The following CCDC88A variants were observed in gnomAD, a reference collection of about 807,000 sequenced individuals.
CCDC88A encodes the protein girdin.
In CCDC88A, 54 loss-of-function variants were observed where a neutral mutation model predicts 234.3. That is an observed-to-expected ratio of 0.23 (90% CI 0.19 to 0.29). The LOEUF (loss-of-function observed/expected upper bound fraction) is 0.29. CCDC88A is among the 10% of genes least tolerant of loss of function. CCDC88A has a pLI of 1.00. For missense variants in CCDC88A, 1,832 were observed against 2,123.4 expected, an observed-to-expected ratio of 0.86 and a Z score of 2.70; for synonymous variants, 753 against 737.8, an observed-to-expected ratio of 1.02 and a Z score of -0.33.
chr2:55,419,535 CT>C lies in CCDC88A; in HGVS notation c.-457del. Reference sequence around the variant, plus strand: ...ATACCGAGGCGCCACCAGACTCGACCTCGGCGTTCCGACCTCTACACGTTCC... The same window carrying C: ...ATACCGAGGCGCCACCAGACTCGACCCGGCGTTCCGACCTCTACACGTTCC... On this transcript the variant is annotated 5_prime_UTR_variant, in exon 1 of 33. Coordinates refer to ENST00000436346, the MANE Select transcript of CCDC88A (RefSeq NM_001365480.1). 4 of 158,512 alleles carry C rather than the reference CT, an allele frequency of 2.5e-5. No homozygotes were observed. Among genetic ancestry groups the C allele is most frequent in the Non-Finnish European group, 4.1e-5 (3 of 72,502 alleles). The allele number at this position is 158,512 out of a possible 1,614,324, so 9.8% of individuals were successfully genotyped here. A position where few individuals can be genotyped will look rare whatever the true frequency, so the allele number is the denominator to read the frequency against.
intron 2 of CCDC88A, among the ~76,000 whole-genome samples, chr2:55,410,582 T>A (rs534158492): frequency 6.6e-6 from 1 of 152,192 alleles, no homozygotes; most frequent in Non-Finnish European, 1.5e-5. Flanking sequence ...TATCCACCTA[T>A]TTTTATTAAT....
intron 2 of CCDC88A, among the ~76,000 whole-genome samples, chr2:55,409,578 G>C (rs1680123972): frequency 6.6e-6 from 1 of 152,048 alleles, no homozygotes; most frequent in African/African-American, 2.4e-5. Flanking sequence ...CATATTAATT[G>C]ATCTTTGAAT....
chr2:55,296,059 G>A lies in CCDC88A; in HGVS notation c.5092-3C>T, dbSNP rs1679991297. ...TTCTCTTGACTTGAGGACTTTATCT[G>A]TTTAAAAAAAAATTCAAAGCAGATT... On this transcript the variant is annotated splice_polypyrimidine_tract_variant and splice_region_variant and intron_variant, in intron 30 of 32. Coordinates refer to ENST00000436346, the MANE Select transcript of CCDC88A (RefSeq NM_001365480.1). 6.4e-7 allele frequency: 1 copy of A among 1,569,758 alleles called. No homozygotes were observed. The highest frequency in any genetic ancestry group is 8.6e-7 in the Non-Finnish European group (1 of 1,163,436).
In CCDC88A at chr2:55,289,983, A is replaced by G. The variant is rs1052629346; in HGVS notation, c.*1217T>C. ...TTCAGACCTTGAAGATTACTCTGAT[A>G]TTGATGTTAAATAATGAATTTGCAT... is the stretch of plus-strand genomic sequence containing the variant. On this transcript the variant is annotated 3_prime_UTR_variant, in exon 33 of 33. Coordinates refer to ENST00000436346, the MANE Select transcript of CCDC88A (RefSeq NM_001365480.1). 14 of 152,578 alleles carry G rather than the reference A, an allele frequency of 9.2e-5. No individual in the cohort carries two copies. The highest frequency in any genetic ancestry group is 3.4e-4 in the African/African-American group (14 of 41,448). The allele number at this position is 152,578 out of a possible 1,614,324, so 9.5% of individuals were successfully genotyped here.
At position 55,288,980 on chromosome 2, in the gene CCDC88A, T is replaced by G. The variant is rs1034718947; in HGVS notation, c.*2220A>C. On this transcript the variant is annotated 3_prime_UTR_variant, in exon 33 of 33. Transcript: ENST00000436346. ...GTTTCTTGAAATGGTATGAAAAAAG[T>G]GTGATGAATATAATTGAGATTATTC... The G allele has an allele frequency of 2.0e-5, 3 of 152,320 alleles. No individual in the cohort carries two copies. Among genetic ancestry groups the G allele is most frequent in the Admixed American group, 6.5e-5 (1 of 15,278 alleles). 9.4% of individuals were successfully genotyped at this position (152,320 alleles called of 1,614,324 possible). A position where few individuals can be genotyped will look rare whatever the true frequency, so the allele number is the denominator to read the frequency against.
At chr2:55,310,330 C>G (rs1232757121) in intron 23 of CCDC88A, among the ~76,000 whole-genome samples, 1 of 152,104 alleles carries the variant, frequency 6.6e-6, no homozygotes, top group East Asian at 1.9e-4. Flanking sequence ...GCCTGTAATT[C>G]TAGTGCTTTG....
In CCDC88A at chr2:55,332,604, C is replaced by T; in HGVS notation, c.2817G>A (p.Lys939=). 2 of 1,613,442 alleles carry T rather than the reference C, an allele frequency of 1.2e-6. No individual in the cohort carries two copies. The highest frequency in any genetic ancestry group is 1.7e-6 in the Non-Finnish European group (2 of 1,179,776). ...TTTGTTCATCATGTAAGAGTCGCTC[C>T]TTATTTAACCCTATCTTCTCAAGCT... The part of the protein sequence containing the change: ...THELEKIGLN[K]ERLLHDEQST... The change falls in exon 16 of 33, where the codon AAG becomes AAA. Residue 939 remains lysine, a synonymous_variant. Transcript: ENST00000436346. This position sits in a 1 kb window ranked among gnomAD's most constrained non-coding sequence, Gnocchi z 4.5.
chr2:55,404,320 T>C (rs1679197998), intron 2 of CCDC88A: 1 of 152,194 alleles, frequency 6.6e-6, no homozygotes, highest in South Asian at 2.1e-4. Context: ...TTTCTCTAAT[T>C]TTTTAAAAAG....
In CCDC88A at chr2:55,376,060, C is replaced by T. The variant is rs56214821; in HGVS notation, c.274-1177G>A. 3.0e-3 allele frequency among the ~76,000 whole-genome samples: 458 copies of T among 152,056 alleles called. 2 individuals carry two copies. The highest frequency in any genetic ancestry group is 7.3e-3 in the African/African-American group (303 of 41,510). On this transcript the variant is annotated intron_variant, in intron 3 of 32. Transcript: ENST00000436346. The stretch of plus-strand genomic sequence containing the variant: ...AACGTACAAGGTGATTCAGAAAGAA[C>T]TGAATTCTTTCTAATTCTTCAATTT...
chr2:55,363,625 T>G (rs3099080), intron 6 of CCDC88A: 26,164 of 188,136 alleles, frequency 0.14, 2,404 homozygotes, highest in East Asian at 0.31. Flanking sequence ...ACTATCGTTT[T>G]GAATTACAAG....
At position 55,335,489 on chromosome 2, in the gene CCDC88A, A is replaced by T. The variant is rs896812313; in HGVS notation, c.1657-325T>A. 1.3e-5 allele frequency among the ~76,000 whole-genome samples: 2 copies of T among 152,202 alleles called. No homozygotes were observed. Among genetic ancestry groups the T allele is most frequent in the Non-Finnish European group, 2.9e-5 (2 of 68,024 alleles). On this transcript the variant is annotated intron_variant, in intron 14 of 32. Coordinates refer to ENST00000436346, the MANE Select transcript of CCDC88A (RefSeq NM_001365480.1). This position sits in a 1 kb window ranked among gnomAD's most constrained non-coding sequence, Gnocchi z 4.5. ...TTACAGTTACATGCTTCAAATTCAA[A>T]TAGGAATACAGGTAACACACACACA...
intron 3 of CCDC88A, among the ~76,000 whole-genome samples, chr2:55,381,347 T>A (rs1328668404): frequency 1.3e-5 from 2 of 151,348 alleles, no homozygotes; most frequent in South Asian, 2.1e-4. Flanking sequence ...AGCTCAGGAG[T>A]TTGAGAACGA....
chr2:55,315,469 A>G (rs974355086), intron 22 of CCDC88A: 5 of 152,294 alleles, frequency 3.3e-5, no homozygotes, highest in African/African-American at 1.2e-4. Flanking sequence ...AGTTCTGTCC[A>G]ATTTTATTGT....
intron 3 of CCDC88A, among the ~76,000 whole-genome samples, chr2:55,387,292 T>A (rs985891947): frequency 6.6e-6 from 1 of 151,560 alleles, no homozygotes; most frequent in Non-Finnish European, 1.5e-5. Flanking sequence ...AAGAAAAGCT[T>A]AAAAGTCATA....
At chr2:55,409,664 C>T (rs1034862739) in intron 2 of CCDC88A, among the ~76,000 whole-genome samples, 4 of 151,916 alleles carry the variant, frequency 2.6e-5, no homozygotes, top group African/African-American at 7.3e-5. Context: ...AGTCCAACTC[C>T]GGCCCTCCTC....
Position 55,364,091 on chromosome 2 carries a change from TTA to T in CCDC88A, c.403-60_403-59del, listed in dbSNP as rs2104791026. Reference sequence around the variant, plus strand: ...TTTATAGGGTATGGTCCTTAAAATGTTATATATAACTAAAACTTTATGAGGTT... The same window carrying T: ...TTTATAGGGTATGGTCCTTAAAATGTTATATAACTAAAACTTTATGAGGTT... On this transcript the variant is annotated intron_variant, in intron 5 of 32. Coordinates refer to ENST00000436346, the MANE Select transcript of CCDC88A (RefSeq NM_001365480.1). The T allele has an allele frequency of 6.3e-6, 5 of 793,218 alleles. No homozygotes were observed. In the East Asian group the frequency reaches 1.4e-4, roughly 22 times the overall value. 49.1% of individuals were successfully genotyped at this position (793,218 alleles called of 1,614,324 possible).
At position 55,390,034 on chromosome 2, in the gene CCDC88A, CAAAAAAA is replaced by C. The variant is rs1296981008; in HGVS notation, c.165-1155_165-1149del. 1.2e-4 allele frequency among the ~76,000 whole-genome samples: 3 copies of C among 25,080 alleles called. 1 individual carries two copies. The highest frequency in any genetic ancestry group is 1.8e-4 in the Non-Finnish European group (2 of 10,876). The allele number at this position is 25,080 out of a possible 152,430, so 16.5% of individuals were successfully genotyped here. ...CCAGCCTGGGCTACAGAGCGAGACT[CAAAAAAA>C]AAAAAAAATAAAAAATAAAGATAGA... is the stretch of plus-strand genomic sequence containing the variant. On this transcript the variant is annotated intron_variant, in intron 2 of 32. Transcript: ENST00000436346.
At chr2:55,344,068 A>G in intron 11 of CCDC88A, 1 of 364,378 alleles carries the variant, frequency 2.7e-6, no homozygotes. Flanking sequence ...ATTATGAACC[A>G]ATGCTAAATT....
At chr2:55,293,493 C>CT (rs1679672125) in intron 31 of CCDC88A, 3 of 144,544 alleles carry the variant, frequency 2.1e-5, no homozygotes, top group East Asian at 2.2e-4. Flanking sequence ...GTACCAGAAC[C>CT]ATTTTTTTTT....
Sources: allele counts gnomAD v4.1 joint callset (sites outside exome capture counted in the v4.1 genomes callset), GRCh38; gene constraint gnomAD v4.1.1; non-coding constraint Gnocchi (gnomAD v3.1); transcripts MANE v1.5; gene names NCBI Gene and HGNC (gene_info 2026-07-23, HGNC 2026-07-21).